The following NOTCH2NLC variants were observed in gnomAD, a reference collection of about 807,000 sequenced individuals.
NOTCH2NLC encodes the protein notch homolog 2 N-terminal-like protein C.
In NOTCH2NLC, 4 loss-of-function variants were observed where a neutral mutation model predicts 17.7. The observed-to-expected ratio is 0.23, with a 90% CI of 0.11 to 0.52. NOTCH2NLC has a LOEUF of 0.52. NOTCH2NLC is among the 20% of genes least tolerant of loss of function. The pLI, the probability that NOTCH2NLC is intolerant of heterozygous loss-of-function variation, is 0.96. For synonymous variants in NOTCH2NLC, 18 were observed against 86.0 expected (o/e 0.21, Z 4.38); for missense variants, 57 against 207.2 (o/e 0.28, Z 4.45).
intron 1 of NOTCH2NLC, among the ~76,000 whole-genome samples, chr1:149,422,970 A>AT (rs1237507979): frequency 1.4e-5 from 2 of 144,576 alleles, no homozygotes; most frequent in Non-Finnish European, 3.1e-5. Context: ...AACTGGAATG[A>AT]TTTTTTTATA....
At chr1:149,417,097 CTTTTTT>C (rs1171555647) in intron 1 of NOTCH2NLC, among the ~76,000 whole-genome samples, 6 of 69,588 alleles carry the variant, frequency 8.6e-5, no homozygotes, top group Admixed American at 1.9e-4. Context: ...TCAGGTTTTC[CTTTTTT>C]TTTTTTTTTT....
At chr1:149,419,839 GAA>G (rs2084368699) in intron 1 of NOTCH2NLC, among the ~76,000 whole-genome samples, 1 of 129,624 alleles carries the variant, frequency 7.7e-6, no homozygotes, top group African/African-American at 2.9e-5. Flanking sequence ...TGAAGTTCAG[GAA>G]TATATATATA....
intron 1 of NOTCH2NLC, among the ~76,000 whole-genome samples, chr1:149,416,747 G>A (rs1234521969): frequency 1.3e-5 from 2 of 150,178 alleles, no homozygotes; most frequent in Non-Finnish European, 3.0e-5. Flanking sequence ...TTTTTTTCCT[G>A]GAGAAATAAT....
At chr1:149,454,463 A>G (rs1312423133) in intron 2 of NOTCH2NLC, among the ~76,000 whole-genome samples, 3 of 134,678 alleles carry the variant, frequency 2.2e-5, no homozygotes. Context: ...AAATGGTTGT[A>G]CATCTTATGA....
chr1:149,440,707 G>A (rs1274134714), intron 2 of NOTCH2NLC, among the ~76,000 whole-genome samples: 1 of 88,958 alleles, frequency 1.1e-5, no homozygotes, highest in Non-Finnish European at 2.3e-5. Context: ...GTTATTTCCT[G>A]GAATAATCAT....
At chr1:149,405,519 G>A (rs1181162426) in intron 1 of NOTCH2NLC, among the ~76,000 whole-genome samples, 2 of 146,694 alleles carry the variant, frequency 1.4e-5, no homozygotes, top group Non-Finnish European at 3.0e-5. Flanking sequence ...AACGGTCACT[G>A]GAACCCCTCT....
chr1:149,442,097 C>A (rs1484209137), intron 2 of NOTCH2NLC, among the ~76,000 whole-genome samples: 1 of 150,614 alleles, frequency 6.6e-6, no homozygotes, highest in Admixed American at 6.6e-5. Context: ...TCCATCGAGG[C>A]TGAAATACCT....
chr1:149,461,730 C>G (rs2084651090), intron 3 of NOTCH2NLC, among the ~76,000 whole-genome samples: 1 of 151,280 alleles, frequency 6.6e-6, no homozygotes, highest in African/African-American at 2.4e-5. Context: ...TTGGAACCAA[C>G]CCAAATGTCC....
intron 3 of NOTCH2NLC, among the ~76,000 whole-genome samples, chr1:149,462,605 AATATCG>A (rs1482247379): frequency 6.9e-6 from 1 of 144,752 alleles, no homozygotes; most frequent in Non-Finnish European, 1.5e-5. Flanking sequence ...TTTTGTGGAA[AATATCG>A]ATATATTTTA....
chr1:149,424,197 A>C (rs1316807780), intron 1 of NOTCH2NLC, among the ~76,000 whole-genome samples: 2 of 151,376 alleles, frequency 1.3e-5, no homozygotes, highest in African/African-American at 4.8e-5. Flanking sequence ...TTGATGTATA[A>C]TTGGAGCTGA....
At chr1:149,419,302 A>C (rs1387165839) in intron 1 of NOTCH2NLC, among the ~76,000 whole-genome samples, 1 of 150,928 alleles carries the variant, frequency 6.6e-6, no homozygotes, top group Non-Finnish European at 1.5e-5. Context: ...AAGACAATGT[A>C]ACTTTTTGAG....
chr1:149,416,313 T>C, intron 1 of NOTCH2NLC, among the ~76,000 whole-genome samples: 1 of 56,340 alleles, frequency 1.8e-5, no homozygotes, highest in Middle Eastern at 5.1e-3. Flanking sequence ...AGTTGATTTC[T>C]TTAGTTGGAG....
intron 2 of NOTCH2NLC, among the ~76,000 whole-genome samples, chr1:149,441,994 G>A (rs2084522229): frequency 1.5e-5 from 2 of 132,692 alleles, no homozygotes; most frequent in South Asian, 2.5e-4. Context: ...GATTCCCTGT[G>A]AGCTTAAATT....
intron 1 of NOTCH2NLC, among the ~76,000 whole-genome samples, chr1:149,419,035 TCTC>T (rs1213623001): frequency 6.7e-6 from 1 of 150,194 alleles, no homozygotes; most frequent in Non-Finnish European, 1.5e-5. Context: ...CCTTCCTCTC[TCTC>T]CTTTCTTTTT....
chr1:149,394,623 A>G (rs1279701119), intron 1 of NOTCH2NLC, among the ~76,000 whole-genome samples: 1 of 150,326 alleles, frequency 6.7e-6, no homozygotes, highest in East Asian at 2.0e-4. Flanking sequence ...GTCTGCAATG[A>G]TTTTAGAGTA....
intron 1 of NOTCH2NLC, among the ~76,000 whole-genome samples, chr1:149,396,230 C>CT (rs1320262979): frequency 2.9e-5 from 4 of 135,874 alleles, no homozygotes; most frequent in Non-Finnish European, 4.8e-5. Flanking sequence ...AAATTTTCCT[C>CT]TTTGTTGACT....
chr1:149,445,599 G>T (rs1469646725), intron 2 of NOTCH2NLC, among the ~76,000 whole-genome samples: 1 of 150,766 alleles, frequency 6.6e-6, no homozygotes, highest in Non-Finnish European at 1.5e-5. Context: ...CTGCGGATTG[G>T]GGGGCCAAGA....
intron 1 of NOTCH2NLC, among the ~76,000 whole-genome samples, chr1:149,424,626 C>G (rs1484766403): frequency 2.7e-5 from 4 of 150,662 alleles, no homozygotes; most frequent in African/African-American, 9.7e-5. Flanking sequence ...GCCTTCAGTG[C>G]TATAGTTTTT....
chr1:149,452,350 CTGT>C (rs1347294194), intron 2 of NOTCH2NLC, among the ~76,000 whole-genome samples: 1 of 139,214 alleles, frequency 7.2e-6, no homozygotes, highest in South Asian at 2.3e-4. Context: ...CTACTTGACT[CTGT>C]TGTTGTAGTG....
Sources: gnomAD v4.1 joint callset for allele counts (sites outside exome capture counted in the v4.1 genomes callset) on GRCh38, gnomAD v4.1.1 for gene constraint, MANE v1.5 for transcripts, NCBI Gene and HGNC (gene_info 2026-07-23, HGNC 2026-07-21) for gene names.